The following SOX6 variants were observed in gnomAD, a reference collection of about 807,000 sequenced individuals.
The protein encoded by SOX6 is SRY-box transcription factor 6.
Under a neutral mutation model 97.8 loss-of-function variants are expected in SOX6, and 11 were observed. The observed-to-expected ratio is 0.11, with a 90% CI of 0.07 to 0.19. The LOEUF is 0.19. SOX6 is among the 10% of genes least tolerant of loss of function. The pLI, the probability that SOX6 is intolerant of heterozygous loss-of-function variation, is 1.00. For missense variants in SOX6, 810 were observed against 1,039.5 expected (o/e 0.78, Z 3.04); for synonymous variants, 360 against 371.4 (o/e 0.97, Z 0.35).
chr11:16,220,600 T>C (rs570694378), intron 4 of SOX6, among the ~76,000 whole-genome samples: 1 of 149,584 alleles, frequency 6.7e-6, no homozygotes, highest in African/African-American at 2.5e-5. Context: ...TAATTTGTGA[T>C]ACAAGAGGTA....
chr11:16,006,552 T>C (rs766738776), intron 13 of SOX6, among the ~76,000 whole-genome samples: 2 of 152,214 alleles, frequency 1.3e-5, no homozygotes, highest in Middle Eastern at 3.4e-3. Flanking sequence ...GCTTAGATTA[T>C]TCCCTCAAAT....
chr11:16,303,296 A>C (rs1284938175), intron 3 of SOX6, among the ~76,000 whole-genome samples: 1 of 152,226 alleles, frequency 6.6e-6, no homozygotes, highest in Non-Finnish European at 1.5e-5. Flanking sequence ...TAAGATCCAT[A>C]ACAGGCATTG....
chr11:16,491,852 T>C (rs1327371111), intron 4 of SOX6, among the ~76,000 whole-genome samples: 2 of 152,164 alleles, frequency 1.3e-5, no homozygotes, highest in African/African-American at 4.8e-5. Flanking sequence ...AGGTAGTCTA[T>C]GGGTCTAAAT....
At chr11:16,402,553 G>T in intron 1 of SOX6, 1 of 1,167,958 alleles carries the variant, frequency 8.6e-7, no homozygotes, top group Non-Finnish European at 1.3e-6. Context: ...ACCACCCAAA[G>T]CACACTGGAA....
At chr11:16,065,347 G>A (rs1848069447) in intron 9 of SOX6, among the ~76,000 whole-genome samples, 2 of 151,984 alleles carry the variant, frequency 1.3e-5, no homozygotes, top group Admixed American at 1.3e-4. Flanking sequence ...AAATACTGAT[G>A]AAAGAAAGTG....
intron 13 of SOX6, among the ~76,000 whole-genome samples, chr11:16,011,259 T>G (rs944326400): frequency 6.6e-6 from 1 of 152,098 alleles, no homozygotes; most frequent in Admixed American, 6.6e-5. Flanking sequence ...TCCTTACATG[T>G]CCTACATAGG....
At chr11:16,075,831 A>G (rs897726524) in intron 9 of SOX6, among the ~76,000 whole-genome samples, 12 of 152,182 alleles carry the variant, frequency 7.9e-5, no homozygotes, top group African/African-American at 2.4e-5. Context: ...AATTCAAAAA[A>G]AGGAACAAAA....
intron 1 of SOX6, among the ~76,000 whole-genome samples, chr11:16,451,941 C>T (rs7945277): frequency 0.36 from 53,917 of 150,862 alleles, 10,173 homozygotes; most frequent in East Asian, 0.54. Context: ...CATGGTCATG[C>T]CACTGCACTC....
intron 3 of SOX6, among the ~76,000 whole-genome samples, chr11:16,618,521 TA>T (rs1459759081): frequency 6.6e-6 from 1 of 151,902 alleles, no homozygotes; most frequent in African/African-American, 2.4e-5. Context: ...AAGATAAACA[TA>T]TGCAACTTAT....
intron 4 of SOX6, among the ~76,000 whole-genome samples, chr11:16,492,837 G>T (rs1016303532): frequency 4.6e-5 from 7 of 152,214 alleles, no homozygotes; most frequent in African/African-American, 1.7e-4. Flanking sequence ...CATAAAAGAG[G>T]ATTTCTATAT....
At chr11:16,707,603 T>C (rs1848146941) in intron 3 of SOX6, among the ~76,000 whole-genome samples, 1 of 152,184 alleles carries the variant, frequency 6.6e-6, no homozygotes. Context: ...CAACTGAGTA[T>C]TGGGATGTGA....
At chr11:16,142,531 G>C (rs539935714) in intron 6 of SOX6, among the ~76,000 whole-genome samples, 1 of 152,272 alleles carries the variant, frequency 6.6e-6, no homozygotes, top group East Asian at 1.9e-4. Context: ...AGAGAAAAAG[G>C]CTTCAGATGA....
At chr11:16,025,945 C>T (rs1855206509) in intron 12 of SOX6, among the ~76,000 whole-genome samples, 1 of 152,020 alleles carries the variant, frequency 6.6e-6, no homozygotes, top group South Asian at 2.1e-4. Context: ...AAATGTAAGG[C>T]CTCTTCATTC....
intron 13 of SOX6, among the ~76,000 whole-genome samples, chr11:16,010,727 A>T (rs1418422505): frequency 6.6e-6 from 1 of 151,998 alleles, no homozygotes; most frequent in Non-Finnish European, 1.5e-5. Context: ...ATTGGGAAAT[A>T]CTACTGGAGA....
upstream of SOX6, among the ~76,000 whole-genome samples, chr11:16,358,277 A>C (rs1590155429): frequency 6.6e-6 from 1 of 152,144 alleles, no homozygotes; most frequent in Non-Finnish European, 1.5e-5. Context: ...ACATCCTTCC[A>C]CTCTGCCATT....
At chr11:16,710,774 C>T (rs73421114) in intron 3 of SOX6, among the ~76,000 whole-genome samples, 26 of 152,272 alleles carry the variant, frequency 1.7e-4, no homozygotes, top group African/African-American at 4.1e-4. Flanking sequence ...TACTTAGCCA[C>T]GACTTTTGTG....
intron 12 of SOX6, among the ~76,000 whole-genome samples, chr11:16,042,715 A>T (rs1365026388): frequency 6.6e-6 from 1 of 152,142 alleles, no homozygotes; most frequent in Non-Finnish European, 1.5e-5. Flanking sequence ...CAATTCTTTT[A>T]CTCTACAGTT....
intron 1 of SOX6, among the ~76,000 whole-genome samples, chr11:16,367,954 A>G (rs888857744): frequency 1.3e-5 from 2 of 152,108 alleles, no homozygotes; most frequent in African/African-American, 4.8e-5. Context: ...CCTATAACAA[A>G]ACCAATTTTT....
intron 4 of SOX6, among the ~76,000 whole-genome samples, chr11:16,539,336 TTA>T (rs1861364568): frequency 6.6e-6 from 1 of 152,134 alleles, no homozygotes; most frequent in Non-Finnish European, 1.5e-5. Context: ...AGAGGGAAAT[TTA>T]TAGCACTAAA....
Sources: gnomAD v4.1 joint callset for allele counts (sites outside exome capture counted in the v4.1 genomes callset) on GRCh38, gnomAD v4.1.1 for gene constraint, MANE v1.5 for transcripts, NCBI Gene and HGNC (gene_info 2026-07-23, HGNC 2026-07-21) for gene names.